PCDH11X: variants seen among roughly 807,000 people sequenced by gnomAD.
PCDH11X encodes the protein protocadherin 11 X-linked.
Under a neutral mutation model 53.3 loss-of-function variants are expected in PCDH11X, and 18 were observed. The ratio of observed to expected loss-of-function variants is 0.34; its 90% CI spans 0.23 to 0.50. The LOEUF (loss-of-function observed/expected upper bound fraction) is 0.50, where lower values mean the gene tolerates loss of function less well. PCDH11X is among the 20% of genes least tolerant of loss of function. The pLI, the probability that PCDH11X is intolerant of heterozygous loss-of-function variation, is 0.98. For synonymous variants in PCDH11X, 279 were observed against 393.3 expected, an observed-to-expected ratio of 0.71 and a Z score of 3.44; for missense variants, 570 against 1,032.4, an observed-to-expected ratio of 0.55 and a Z score of 6.14.
chrX:92,103,000 C>T lies in PCDH11X; in HGVS notation c.3034-98375C>T, dbSNP rs181653214. ...TGTGGGATGGGATATTGCCGTTGAG[C>T]GGGGTAAGGGTGATTAGGTTTTAAT... is the stretch of plus-strand genomic sequence containing the variant. On this transcript the variant is annotated intron_variant, in intron 6 of 10. Transcript: ENST00000682573. 1.7e-3 allele frequency among the ~76,000 whole-genome samples: 183 copies of T among 110,438 alleles called. 1 individual carries two copies. The highest frequency in any genetic ancestry group is 5.8e-3 in the African/African-American group (175 of 30,315).
At chrX:92,038,630 G>A (rs2063164892) in intron 6 of PCDH11X, among the ~76,000 whole-genome samples, 1 of 110,609 alleles carries the variant, frequency 9.0e-6, no homozygotes. Flanking sequence ...GAGAACATGA[G>A]ATTTGGGAAG....
chrX:92,066,668 T>C (rs1416255692), intron 6 of PCDH11X, among the ~76,000 whole-genome samples: 1 of 112,294 alleles, frequency 8.9e-6, no homozygotes, highest in Non-Finnish European at 1.9e-5. Flanking sequence ...ATACTTCTGA[T>C]TTTTTTGTCT....
At chrX:92,357,037 A>G (rs2070225906) in intron 8 of PCDH11X, among the ~76,000 whole-genome samples, 2 of 111,220 alleles carry the variant, frequency 1.8e-5, no homozygotes, top group Admixed American at 1.9e-4. Flanking sequence ...GGATGGAGCA[A>G]AGTTCAAAAA....
At chrX:92,110,921 C>CT (rs199515298) in intron 6 of PCDH11X, among the ~76,000 whole-genome samples, 6,146 of 108,203 alleles carry the variant, frequency 0.057, 476 homozygotes, top group African/African-American at 0.2. Flanking sequence ...TTCTGGCTCT[C>CT]TTTTTTTTTC....
intron 6 of PCDH11X, among the ~76,000 whole-genome samples, chrX:92,008,413 C>A (rs1294457): frequency 0.26 from 28,835 of 109,352 alleles, 2,924 homozygotes; most frequent in Middle Eastern, 0.34. Context: ...TCTGGTTTTG[C>A]TTTCTGCTTT....
At chrX:91,841,073 A>C (rs1183889937) in intron 5 of PCDH11X, among the ~76,000 whole-genome samples, 1 of 110,565 alleles carries the variant, frequency 9.0e-6, no homozygotes, top group Non-Finnish European at 1.9e-5. Context: ...AATGCTAACG[A>C]CTATGAGGTT....
At chrX:92,577,846 TTGAG>T (rs758571901) in intron 10 of PCDH11X, among the ~76,000 whole-genome samples, 1 of 107,873 alleles carries the variant, frequency 9.3e-6, no homozygotes, top group East Asian at 2.9e-4. Context: ...TTGTATAGTT[TTGAG>T]TGAGTTTCTT....
intron 6 of PCDH11X, among the ~76,000 whole-genome samples, chrX:92,054,055 C>T (rs1296427125): frequency 2.7e-5 from 3 of 111,844 alleles, no homozygotes; most frequent in South Asian, 3.8e-4. Flanking sequence ...TCAGCCCATG[C>T]TCATGTATTC....
intron 6 of PCDH11X, among the ~76,000 whole-genome samples, chrX:92,182,168 A>G (rs1458298552): frequency 8.9e-6 from 1 of 112,354 alleles, no homozygotes; most frequent in Non-Finnish European, 1.9e-5. Flanking sequence ...GATGTGAGAC[A>G]GGGAGTCAAA....
intron 9 of PCDH11X, among the ~76,000 whole-genome samples, chrX:92,389,945 A>G (rs752902757): frequency 5.5e-5 from 6 of 109,625 alleles, no homozygotes; most frequent in Admixed American, 9.8e-5. Flanking sequence ...TTTACTCTAC[A>G]GGATGAAGGA....
chrX:91,887,038 T>C (rs1281137534), intron 6 of PCDH11X, among the ~76,000 whole-genome samples: 2 of 104,771 alleles, frequency 1.9e-5, no homozygotes, highest in Non-Finnish European at 3.9e-5. Flanking sequence ...TTTTTAGAAG[T>C]TGAGTTTATA....
At chrX:92,342,869 T>C (rs1487521240) in intron 8 of PCDH11X, among the ~76,000 whole-genome samples, 1 of 111,155 alleles carries the variant, frequency 9.0e-6, no homozygotes, top group African/African-American at 3.3e-5. Flanking sequence ...AAAAATAAAC[T>C]CAAAAAAGAG....
chrX:92,164,559 C>T (rs753965504), intron 6 of PCDH11X, among the ~76,000 whole-genome samples: 226 of 111,660 alleles, frequency 2.0e-3, no homozygotes, highest in African/African-American at 7.2e-3. Flanking sequence ...GCAGTGAAAA[C>T]GTGAATAAAA....
At chrX:92,068,852 T>C (rs972917509) in intron 6 of PCDH11X, among the ~76,000 whole-genome samples, 9 of 111,051 alleles carry the variant, frequency 8.1e-5, no homozygotes, top group Non-Finnish European at 1.7e-4. Flanking sequence ...ATTCTTGATA[T>C]TGTTTCAATT....
At chrX:91,819,926 G>T (rs982301278) in intron 4 of PCDH11X, among the ~76,000 whole-genome samples, 11 of 98,804 alleles carry the variant, frequency 1.1e-4, no homozygotes, top group African/African-American at 3.5e-4. Flanking sequence ...GTGGTGTTTG[G>T]TTTTTTGTTC....
intron 5 of PCDH11X, among the ~76,000 whole-genome samples, chrX:91,852,011 T>TC (rs1938050654): frequency 9.2e-6 from 1 of 108,347 alleles, no homozygotes; most frequent in Admixed American, 1.0e-4. Context: ...AGGAATTCTT[T>TC]TTTTTTTTTT....
At chrX:92,490,682 T>C (rs1321005808) in intron 10 of PCDH11X, among the ~76,000 whole-genome samples, 2 of 105,134 alleles carry the variant, frequency 1.9e-5, no homozygotes, top group Non-Finnish European at 3.9e-5. Flanking sequence ...CTATCATGCG[T>C]GCCCAGGAGA....
intron 6 of PCDH11X, among the ~76,000 whole-genome samples, chrX:92,137,842 T>C (rs1454916942): frequency 9.1e-6 from 1 of 110,287 alleles, no homozygotes; most frequent in Non-Finnish European, 1.9e-5. Context: ...CATAATGTTT[T>C]ATTTATTTAT....
chrX:91,988,698 A>G (rs2062265324), intron 6 of PCDH11X, among the ~76,000 whole-genome samples: 2 of 112,632 alleles, frequency 1.8e-5, no homozygotes, highest in African/African-American at 6.4e-5. Flanking sequence ...ATTACTTTTG[A>G]TCAGTCTGCT....
Sources: gnomAD v4.1 joint callset for allele counts (sites outside exome capture counted in the v4.1 genomes callset) on GRCh38, gnomAD v4.1.1 for gene constraint, MANE v1.5 for transcripts, NCBI Gene and HGNC (gene_info 2026-07-23, HGNC 2026-07-21) for gene names.